The following KIF4A variants were observed in gnomAD, a reference collection of about 807,000 sequenced individuals.
KIF4A encodes chromosome-associated kinesin KIF4A.
Under a neutral mutation model 105.9 loss-of-function variants are expected in KIF4A, and 7 were observed. That is an observed-to-expected ratio of 0.07 (90% CI 0.04 to 0.12). The LOEUF (loss-of-function observed/expected upper bound fraction) is 0.12. KIF4A is among the 10% of genes least tolerant of loss of function. The pLI, the probability that KIF4A is intolerant of heterozygous loss-of-function variation, is 1.00. For synonymous variants in KIF4A, 281 were observed against 331.3 expected (o/e 0.85, Z 1.65); for missense variants, 558 against 929.2 (o/e 0.60, Z 5.19).
At chrX:70,313,527 C>T (rs763287067) in intron 7 of KIF4A, among the ~76,000 whole-genome samples, 1 of 112,160 alleles carries the variant, frequency 8.9e-6, no homozygotes, top group East Asian at 2.8e-4. Context: ...GGTCCTACTC[C>T]TGCTCCTGTA....
At chrX:70,379,318 G>A (rs1346439472) in intron 18 of KIF4A, among the ~76,000 whole-genome samples, 2 of 111,646 alleles carry the variant, frequency 1.8e-5, no homozygotes, top group Non-Finnish European at 3.8e-5. Flanking sequence ...AGATAGCCTA[G>A]ATTAAGTAGA....
intron 3 of KIF4A, among the ~76,000 whole-genome samples, chrX:70,296,246 T>C (rs1230798421): frequency 9.2e-6 from 1 of 108,846 alleles, no homozygotes; most frequent in African/African-American, 3.3e-5. Flanking sequence ...CACCATGCCC[T>C]GTTAATTTTT....
At position 70,387,163 on chromosome X, in the gene KIF4A, C is replaced by A. The variant is rs750425795; in HGVS notation, c.2119-21C>A. 29 of 1,027,954 alleles carry A rather than the reference C, an allele frequency of 2.8e-5. No individual in the cohort carries two copies. The highest frequency in any genetic ancestry group is 3.2e-5 in the Non-Finnish European group (24 of 751,829). 84.7% of individuals were successfully genotyped at this position (1,027,954 alleles called of 1,213,427 possible). On this transcript the variant is annotated intron_variant, in intron 19 of 30. Coordinates refer to ENST00000374403, the MANE Select transcript of KIF4A (RefSeq NM_012310.5). ...TTTTTTTACCATTCATTCAACATTA[C>A]TATGTGCCAATTTTATTTAGGCAGC...
intron 15 of KIF4A, among the ~76,000 whole-genome samples, chrX:70,365,316 G>C (rs1311856931): frequency 9.0e-6 from 1 of 111,607 alleles, no homozygotes; most frequent in South Asian, 3.8e-4. Context: ...TCCCTGTCTT[G>C]TGCCAGTTTT....
intron 22 of KIF4A, among the ~76,000 whole-genome samples, chrX:70,397,417 AAAAAGAAAGAG>A (rs1213802376): frequency 8.1e-5 from 9 of 111,711 alleles, no homozygotes; most frequent in Admixed American, 7.6e-4. Flanking sequence ...GAAAGGAAGG[AAAAAGAAAGAG>A]AAAAGAAAGA....
intron 5 of KIF4A, among the ~76,000 whole-genome samples, chrX:70,300,729 A>G (rs185520671): frequency 1.5e-4 from 17 of 111,708 alleles, no homozygotes; most frequent in African/African-American, 4.9e-4. Flanking sequence ...ACTTTTACCA[A>G]GTTTTTATCT....
At chrX:70,293,830 G>A (rs1268393712) in intron 3 of KIF4A, among the ~76,000 whole-genome samples, 1 of 112,290 alleles carries the variant, frequency 8.9e-6, no homozygotes, top group African/African-American at 3.2e-5. Context: ...GAGTGAGTCA[G>A]TGATGAGTGG....
chrX:70,379,290 A>G (rs1390749657), intron 18 of KIF4A, among the ~76,000 whole-genome samples: 1 of 112,357 alleles, frequency 8.9e-6, no homozygotes, highest in Non-Finnish European at 1.9e-5. Flanking sequence ...ACTATTAACA[A>G]CTGTATGCCA....
At chrX:70,313,903 A>C (rs754821925) in intron 7 of KIF4A, among the ~76,000 whole-genome samples, 1 of 112,685 alleles carries the variant, frequency 8.9e-6, no homozygotes, top group Non-Finnish European at 1.9e-5. Context: ...GGATTTGAAT[A>C]TATTCTCCAA....
rs1447226268 is a variant in KIF4A at position 70,395,861 on chromosome X, C to T, written c.2388+35C>T. On this transcript the variant is annotated intron_variant, in intron 21 of 30. Coordinates refer to ENST00000374403, the MANE Select transcript of KIF4A (RefSeq NM_012310.5). ...CTTATGAAAAAATGTTGCCAATAAT[C>T]AGACTCTACATTCCCCAGAAATCCT... The T allele has an allele frequency of 3.3e-6, 4 of 1,203,667 alleles. No homozygotes were observed. The Admixed American group carries it at 6.6e-5, about 20-fold the overall frequency.
chrX:70,299,096 A>G lies in KIF4A; in HGVS notation c.427-17A>G, dbSNP rs1041217236. 1.4e-5 allele frequency: 16 copies of G among 1,182,074 alleles called. No homozygotes were observed. Among genetic ancestry groups the G allele is most frequent in the Non-Finnish European group, 1.8e-5 (16 of 875,185 alleles). On this transcript the variant is annotated splice_polypyrimidine_tract_variant and intron_variant, in intron 4 of 30. Transcript: ENST00000374403. The stretch of plus-strand genomic sequence containing the variant: ...GTTAACATCTTGTTTTTGCCACTTT[A>G]TTTTCAACAATATCAGATTTACAAT...
In KIF4A at chrX:70,403,864, C is replaced by A. The variant is rs377673998; in HGVS notation, c.2620C>A (p.Leu874Met). ...KCALKYLIGELVSSKIQVSKL... is the reference protein window; with the variant it reads ...KCALKYLIGEMVSSKIQVSKL... ...ACTGATCTTCTTTTATTCCTTCCAG[C>A]TGGTCTCCTCCAAAATACAGGTCAG... Residue 874 changes from leucine to methionine, a missense_variant and splice_region_variant, in exon 24 of 31, where the codon CTG becomes ATG. Leu to Met is a conservative substitution (Grantham distance 15, BLOSUM62 2). Transcript: ENST00000374403. 29 of 1,199,795 alleles carry A rather than the reference C, an allele frequency of 2.4e-5. No homozygotes were observed. The highest frequency in any genetic ancestry group is 1.4e-4 in the African/African-American group (8 of 57,121).
intron 9 of KIF4A, among the ~76,000 whole-genome samples, chrX:70,332,427 G>A (rs1479374015): frequency 4.5e-5 from 5 of 111,757 alleles, no homozygotes; most frequent in African/African-American, 1.3e-4. Flanking sequence ...CATGCAGCTC[G>A]TTTGTAACTT....
intron 10 of KIF4A, 90 bp downstream of exon 10, chrX:70,333,779 G>A: frequency 6.2e-6 from 4 of 640,163 alleles, no homozygotes; most frequent in Non-Finnish European, 1.0e-5. Context: ...CTAGCACTTG[G>A]TGTCACGGTA....
chrX:70,386,681 C>G lies in KIF4A; in HGVS notation c.2098C>G (p.Leu700Val), dbSNP rs750481276. ...AAACTTCCAGAAACAATCCAATGTG[C>G]TCAGACGTAAAACGGAGGAGGTAAG... ...ERNFQKQSNV[L>V]RRKTEEAAAA... is the part of the protein sequence containing the mutation. Residue 700 changes from leucine (L) to valine (V), a missense_variant, in exon 19 of 31, where the codon CTC (leucine) becomes GTC (valine). This residue lies in a region of KIF4A where 469 missense variants were observed against 680.4 expected (regional missense o/e 0.69). Transcript: ENST00000374403. The G allele has an allele frequency of 1.7e-5, 20 of 1,202,836 alleles. No individual in the cohort carries two copies. The highest frequency in any genetic ancestry group is 1.9e-5 in the Non-Finnish European group (17 of 888,761).
intron 15 of KIF4A, among the ~76,000 whole-genome samples, chrX:70,366,445 T>C (rs1487593831): frequency 8.9e-6 from 1 of 112,216 alleles, no homozygotes; most frequent in Non-Finnish European, 1.9e-5. Context: ...TTCTGGTATG[T>C]TGTGTCTTTG....
rs766598824 is a variant in KIF4A at position 70,354,245 on chromosome X, G to A, written c.1674+438G>A. Reference sequence around the variant, plus strand: ...TCTAAGTGGCCTTTGCCAATTAATAGTCAGGTCTTTACTTAAAGGCAAATC... The same window carrying A: ...TCTAAGTGGCCTTTGCCAATTAATAATCAGGTCTTTACTTAAAGGCAAATC... On this transcript the variant is annotated intron_variant, in intron 15 of 30. Coordinates refer to ENST00000374403, the MANE Select transcript of KIF4A (RefSeq NM_012310.5). 1.9e-3 allele frequency among the ~76,000 whole-genome samples: 215 copies of A among 112,687 alleles called. 1 individual carries two copies. Among genetic ancestry groups the A allele is most frequent in the Non-Finnish European group, 3.3e-3 (176 of 53,342 alleles).
chrX:70,362,058 G>A (rs2086077999), intron 15 of KIF4A: 1 of 160,930 alleles, frequency 6.2e-6, no homozygotes, highest in Non-Finnish European at 1.2e-5. Context: ...ACTGGTAAAT[G>A]TCACCATGGA....
At position 70,353,709 on chromosome X, in the gene KIF4A, C is replaced by T; in HGVS notation, c.1576C>T (p.Leu526=). 2 of 1,210,115 alleles carry T rather than the reference C, an allele frequency of 1.7e-6. No individual in the cohort carries two copies. Among genetic ancestry groups the T allele is most frequent in the Middle Eastern group, 2.3e-4 (1 of 4,348 alleles). ...CCGTCAAGCGCAGATGTCTAAGGAG[C>T]TGGTTGAGTTGAATAAAGCGCTTGC... ...ALRQAQMSKE[L]VELNKALALK... is the part of the protein sequence containing the mutation. Residue 526 remains leucine, a synonymous_variant, in exon 15 of 31, where the codon CTG becomes TTG. Transcript: ENST00000374403.
Sources: gnomAD v4.1 joint callset for allele counts (sites outside exome capture counted in the v4.1 genomes callset) on GRCh38, gnomAD v4.1.1 for gene constraint, gnomAD v4.1.1 regional missense constraint, MANE v1.5 for transcripts, NCBI Gene and HGNC (gene_info 2026-07-23, HGNC 2026-07-21) for gene names.